CEP164: variants seen among roughly 807,000 people sequenced by gnomAD.
The protein encoded by CEP164 is centrosomal protein of 164 kDa.
A neutral mutation model predicts 182.7 loss-of-function variants in CEP164; 162 were observed. The observed-to-expected ratio is 0.89, with a 90% CI of 0.78 to 1.01. The LOEUF is 1.01. Among genes scored for constraint, CEP164 ranks in the 50% least tolerant of loss-of-function variants. CEP164 has a pLI of 0.00. For missense variants in CEP164, 1,735 were observed against 1,790.4 expected, an observed-to-expected ratio of 0.97 and a Z score of 0.56; for synonymous variants, 661 against 690.0, an observed-to-expected ratio of 0.96 and a Z score of 0.66.
Position 117,392,561 on chromosome 11 carries a change from G to A in CEP164, c.2427G>A (p.Lys809=), listed in dbSNP as rs201002987. 1.7e-5 allele frequency: 28 copies of A among 1,614,210 alleles called. No homozygotes were observed. The highest frequency in any genetic ancestry group is 2.2e-5 in the Non-Finnish European group (26 of 1,180,040). Residue 809 remains lysine, a synonymous_variant, in exon 19 of 33, where the codon AAG becomes AAA. Transcript: ENST00000278935. ...AQQKEEAQLQ[K]CLGQVEHRVH... ...AGAAAGAGGAGGCCCAGCTGCAGAA[G>A]TGCCTTGGGCAAGTGGAGCACAGAG...
At chr11:117,404,935 G>A (rs1258343202) in intron 27 of CEP164, among the ~76,000 whole-genome samples, 1 of 152,184 alleles carries the variant, frequency 6.6e-6, no homozygotes, top group Non-Finnish European at 1.5e-5. Flanking sequence ...GAACTTCCTG[G>A]TGACTTTGTT....
chr11:117,371,255 A>G lies in CEP164; in HGVS notation c.941A>G (p.Glu314Gly). Residue 314 changes from glutamate to glycine, a missense_variant, in exon 9 of 33, where the codon GAG becomes GGG. Transcript: ENST00000278935. ...SGARPGLPEK[E>G]ENEKSEPKIC... ...GCAAGACCTGGTCTTCCAGAAAAAG[A>G]GGAAAATGAGAAGAGTGAACCTAAG... 6.2e-7 allele frequency: 1 copy of G among 1,614,244 alleles called. No individual in the cohort carries two copies. Among genetic ancestry groups the G allele is most frequent in the South Asian group, 1.1e-5 (1 of 91,090 alleles).
chr11:117,349,644 C>G (rs1161556806), intron 4 of CEP164, among the ~76,000 whole-genome samples: 1 of 152,032 alleles, frequency 6.6e-6, no homozygotes, highest in African/African-American at 2.4e-5. Flanking sequence ...CACCATGGTG[C>G]CCAGCTATTT....
At chr11:117,379,192 C>A (rs2043056184) in intron 11 of CEP164, among the ~76,000 whole-genome samples, 1 of 152,278 alleles carries the variant, frequency 6.6e-6, no homozygotes, top group Non-Finnish European at 1.5e-5. Flanking sequence ...TGGCAGGGAG[C>A]CCTTCTGCTA....
At chr11:117,355,745 G>T in intron 5 of CEP164, 1 of 1,140,112 alleles carries the variant, frequency 8.8e-7, no homozygotes, top group Non-Finnish European at 1.1e-6. Context: ...CTCCAAGCTT[G>T]TCAATAAGGA....
chr11:117,348,710 G>A (rs1287324764), intron 4 of CEP164, among the ~76,000 whole-genome samples: 1 of 152,084 alleles, frequency 6.6e-6, no homozygotes, highest in East Asian at 1.9e-4. Context: ...CATTCACAAT[G>A]TTGCATGGCT....
chr11:117,333,216 T>C lies in CEP164; in HGVS notation c.-97-2389T>C, dbSNP rs538315641. On this transcript the variant is annotated intron_variant, in intron 1 of 32. Coordinates refer to ENST00000278935, the MANE Select transcript of CEP164 (RefSeq NM_014956.5). Reference sequence around the variant, plus strand: ...TTTTGTAGAGACGGTCTCACTATGTTGACCCAGCTAGTCTCAAACTCCTGG... The same window carrying C: ...TTTTGTAGAGACGGTCTCACTATGTCGACCCAGCTAGTCTCAAACTCCTGG... 3.4e-4 allele frequency among the ~76,000 whole-genome samples: 52 copies of C among 152,078 alleles called. 2 individuals carry two copies. The South Asian group carries it at 9.3e-3, about 27-fold the overall frequency.
rs2037587166 is a variant in CEP164 at position 117,338,667 on chromosome 11, A to G, written c.81A>G (p.Gln27=). ...DYDETYIPSE[Q]EILEFAREIG... is the part of the protein sequence containing the mutation. Reference sequence around the variant, plus strand: ...ATGAGACCTACATTCCTAGTGAGCAAGGTAACAAGTCTGTGAAGAGGCCTG... The same window carrying G: ...ATGAGACCTACATTCCTAGTGAGCAGGGTAACAAGTCTGTGAAGAGGCCTG... Residue 27 remains glutamine (Q), a splice_region_variant and synonymous_variant, in exon 3 of 33, where the codon CAA becomes CAG. Transcript: ENST00000278935. 1.9e-6 allele frequency: 3 copies of G among 1,611,126 alleles called. No individual in the cohort carries two copies. Among genetic ancestry groups the G allele is most frequent in the African/African-American group, 1.3e-5 (1 of 74,870 alleles).
chr11:117,370,026 A>C (rs910348728), intron 8 of CEP164, among the ~76,000 whole-genome samples: 1 of 152,216 alleles, frequency 6.6e-6, no homozygotes, highest in Admixed American at 6.5e-5. Context: ...AAGCAGAGCC[A>C]TTTCTGCAGA....
chr11:117,349,184 G>C (rs1044937780), intron 4 of CEP164, among the ~76,000 whole-genome samples: 1 of 151,956 alleles, frequency 6.6e-6, no homozygotes, highest in African/African-American at 2.4e-5. Context: ...CACCATGCCC[G>C]GGTAATTTTT....
chr11:117,370,333 G>A (rs2042079719), intron 8 of CEP164, among the ~76,000 whole-genome samples: 1 of 152,140 alleles, frequency 6.6e-6, no homozygotes, highest in Non-Finnish European at 1.5e-5. Flanking sequence ...TATTAAACAT[G>A]AAAAATAGAA....
chr11:117,332,530 C>T (rs557920042), intron 1 of CEP164, among the ~76,000 whole-genome samples: 2 of 152,062 alleles, frequency 1.3e-5, no homozygotes, highest in African/African-American at 2.4e-5. Flanking sequence ...GAGCCGAGAT[C>T]GCACCATTGC....
chr11:117,341,443 G>A (rs1352865373), intron 3 of CEP164, among the ~76,000 whole-genome samples: 1 of 150,496 alleles, frequency 6.6e-6, no homozygotes, highest in Non-Finnish European at 1.5e-5. Flanking sequence ...TTTTTTTGTT[G>A]TTTGTTTGTT....
At chr11:117,366,123 CA>C (rs2041609343) in intron 8 of CEP164, among the ~76,000 whole-genome samples, 1 of 151,830 alleles carries the variant, frequency 6.6e-6, no homozygotes, top group African/African-American at 2.4e-5. Flanking sequence ...AGGCAGGAAT[CA>C]GGGCTTTTCC....
At chr11:117,404,746 C>T (rs779868736) in intron 27 of CEP164, among the ~76,000 whole-genome samples, 20 of 152,188 alleles carry the variant, frequency 1.3e-4, no homozygotes, top group African/African-American at 2.7e-4. Flanking sequence ...GCTGAAGGTG[C>T]GCCCACAGCT....
At chr11:117,365,235 T>C (rs1379001715) in intron 8 of CEP164, among the ~76,000 whole-genome samples, 4 of 152,224 alleles carry the variant, frequency 2.6e-5, no homozygotes, top group Non-Finnish European at 5.9e-5. Context: ...TTCATTTCTG[T>C]ATGGCCAGGA....
Position 117,394,799 on chromosome 11 carries a change from G to A in CEP164, c.2761-121G>A, listed in dbSNP as rs535416232. Reference sequence around the variant, plus strand: ...CTGGGAGGCTGCAGGGGCACACAGCGAGGAAGCCTGAGCCCAGAGTGGAGG... The same window carrying A: ...CTGGGAGGCTGCAGGGGCACACAGCAAGGAAGCCTGAGCCCAGAGTGGAGG... On this transcript the variant is annotated intron_variant, in intron 21 of 32. Transcript: ENST00000278935. The surrounding 1 kb of genome is among the most constrained non-coding windows in gnomAD (Gnocchi z 4.0). 48 of 1,045,646 alleles carry A rather than the reference G, an allele frequency of 4.6e-5. No homozygotes were observed. The East Asian group carries it at 7.8e-4, about 17-fold the overall frequency. The allele number at this position is 1,045,646 out of a possible 1,614,324, so 64.8% of individuals were successfully genotyped here.
chr11:117,392,728 A>G (rs2136364670), intron 19 of CEP164, 101 bp downstream of exon 19: 1 of 1,492,424 alleles, frequency 6.7e-7, no homozygotes, highest in Non-Finnish European at 9.1e-7. Flanking sequence ...TTTGCTTTGG[A>G]TGGCTCAGCT....
At chr11:117,381,231 G>C (rs902165913) in intron 12 of CEP164, among the ~76,000 whole-genome samples, 5 of 152,220 alleles carry the variant, frequency 3.3e-5, no homozygotes, top group Admixed American at 3.3e-4. Flanking sequence ...CATGACAAGG[G>C]CTGCCACCCT....
Sources: gnomAD v4.1 joint callset for allele counts (sites outside exome capture counted in the v4.1 genomes callset) on GRCh38, gnomAD v4.1.1 for gene constraint, Gnocchi (gnomAD v3.1) non-coding constraint, MANE v1.5 for transcripts, NCBI Gene and HGNC (gene_info 2026-07-23, HGNC 2026-07-21) for gene names.